The following GRIN2D variants were observed in gnomAD, a reference collection of about 807,000 sequenced individuals.
GRIN2D encodes glutamate receptor ionotropic, NMDA 2D.
GRIN2D carries 37 observed loss-of-function variants against 103.2 expected under a neutral mutation model. The ratio of observed to expected loss-of-function variants is 0.36; its 90% CI spans 0.28 to 0.47. GRIN2D has a LOEUF of 0.47. Among genes scored for constraint, GRIN2D ranks in the 20% least tolerant of loss-of-function variants. GRIN2D has a pLI of 1.00. For missense variants in GRIN2D, 1,557 were observed against 1,910.6 expected, an observed-to-expected ratio of 0.81 and a Z score of 3.45; for synonymous variants, 845 against 885.6, an observed-to-expected ratio of 0.95 and a Z score of 0.81.
intron 8 of GRIN2D, among the ~76,000 whole-genome samples, chr19:48,417,638 T>C (rs1158419465): frequency 6.6e-6 from 1 of 152,286 alleles, no homozygotes; most frequent in South Asian, 2.1e-4. Context: ...CAGGGCACAC[T>C]GAGAAGCACC....
At chr19:48,406,976 T>G (rs1970800396) in intron 4 of GRIN2D, among the ~76,000 whole-genome samples, 1 of 146,194 alleles carries the variant, frequency 6.8e-6, no homozygotes, top group South Asian at 2.2e-4. Context: ...TTCTTTCTTT[T>G]TCCTTTTTCT....
intron 2 of GRIN2D, among the ~76,000 whole-genome samples, chr19:48,395,238 C>A (rs1348497150): frequency 1.3e-5 from 2 of 151,824 alleles, no homozygotes; most frequent in African/African-American, 4.8e-5. Context: ...GCCTCCATCT[C>A]TCTATCTCAC....
At chr19:48,410,396 T>C (rs1214301063) in intron 4 of GRIN2D, among the ~76,000 whole-genome samples, 2 of 151,246 alleles carry the variant, frequency 1.3e-5, no homozygotes, top group Non-Finnish European at 1.5e-5. Flanking sequence ...GACATGGTGG[T>C]GCACGCCTGT....
chr19:48,406,484 G>C (rs964937099), intron 4 of GRIN2D, among the ~76,000 whole-genome samples: 8 of 152,178 alleles, frequency 5.3e-5, no homozygotes, highest in South Asian at 4.1e-4. Context: ...AATTTGGGAA[G>C]AGATGATGGT....
intron 3 of GRIN2D, among the ~76,000 whole-genome samples, chr19:48,400,235 G>A (rs1443003064): frequency 1.3e-5 from 2 of 152,142 alleles, no homozygotes; most frequent in Admixed American, 6.5e-5. Context: ...GGTCAGCTAG[G>A]AGGTGGGGCC....
chr19:48,402,674 G>A (rs1446448026), intron 3 of GRIN2D, among the ~76,000 whole-genome samples: 9 of 133,736 alleles, frequency 6.7e-5, no homozygotes, highest in East Asian at 2.3e-4. Context: ...CCGAGATTGC[G>A]CCACTGCGGT....
intron 4 of GRIN2D, among the ~76,000 whole-genome samples, chr19:48,408,523 T>C (rs1203327917): frequency 6.7e-6 from 1 of 150,100 alleles, no homozygotes; most frequent in Non-Finnish European, 1.5e-5. Context: ...AAATTAAAAT[T>C]TAAGAAATAG....
At position 48,415,002 on chromosome 19, in the gene GRIN2D, C is replaced by T. The variant is rs76779682; in HGVS notation, c.1551C>T (p.Ile517=). The part of the protein sequence containing the change: ...LVTNGKHGKK[I]DGVWNGMIGE... ...CCAATGGCAAGCACGGAAAGAAGAT[C>T]GATGGCGTCTGGAACGGCATGATCG... The change falls in exon 7 of 14, where the codon ATC becomes ATT. Residue 517 remains isoleucine, a synonymous_variant. Transcript: ENST00000263269. 15,306 of 1,603,792 alleles carry T rather than the reference C, an allele frequency of 9.5e-3. 87 individuals carry two copies. The highest frequency in any genetic ancestry group is 0.018 in the Middle Eastern group (107 of 6,014).
rs373912948 is a variant in GRIN2D, at chr19:48,436,792, T to C, written c.2253-4977T>C. Among the ~76,000 whole-genome samples the C allele has an allele frequency of 1.5e-3, 227 of 152,198 alleles. 5 individuals carry two copies. In the East Asian group the frequency reaches 0.038, roughly 25 times the overall value. On this transcript the variant is annotated intron_variant, in intron 11 of 13. Transcript: ENST00000263269. ...GGCAGAACAGCCAGTGCAAAGGCCCTGGGGCAGGAGCGAGCTGGAGAGGTC... is the reference window on the plus strand; with the variant it reads ...GGCAGAACAGCCAGTGCAAAGGCCCCGGGGCAGGAGCGAGCTGGAGAGGTC...
At chr19:48,433,765 G>T (rs1419742957) in intron 11 of GRIN2D, among the ~76,000 whole-genome samples, 1 of 152,022 alleles carries the variant, frequency 6.6e-6, no homozygotes, top group Non-Finnish European at 1.5e-5. Flanking sequence ...TTAAAATATG[G>T]ATGCATTCAC....
intron 7 of GRIN2D, 93 bp downstream of exon 7, chr19:48,415,125 C>A: frequency 8.4e-7 from 1 of 1,191,042 alleles, no homozygotes; most frequent in South Asian, 1.5e-5. Context: ...AATCCCAGCA[C>A]TTTGGGAAGC....
In GRIN2D at chr19:48,441,288, A is replaced by G. The variant is rs567038886; in HGVS notation, c.2253-481A>G. 1.0e-3 allele frequency among the ~76,000 whole-genome samples: 150 copies of G among 149,196 alleles called. 1 individual carries two copies. The highest frequency in any genetic ancestry group is 3.2e-3 in the African/African-American group (130 of 40,096). ...TGAGGCAGGAGAATCGCTTGAACCCAGGAGTCGGATCTTGCAGTGAGCCGA... is the reference window on the plus strand; with the variant it reads ...TGAGGCAGGAGAATCGCTTGAACCCGGGAGTCGGATCTTGCAGTGAGCCGA... On this transcript the variant is annotated intron_variant, in intron 11 of 13. Coordinates refer to ENST00000263269, the MANE Select transcript of GRIN2D (RefSeq NM_000836.4).
At position 48,443,059 on chromosome 19, in the gene GRIN2D, C is replaced by T. The variant is rs1569075044; in HGVS notation, c.3133C>T (p.Leu1045Phe). ...CGCGGCCACCGCCGTCGGGCCGCCA[C>T]TCTGCCGCTTGGCCTTCGAGGACGA... Reference protein sequence around the residue: ...AAAATAVGPPLCRLAFEDESP... With the variant: ...AAAATAVGPPFCRLAFEDESP... Residue 1045 changes from leucine to phenylalanine, a missense_variant, in exon 14 of 14, where the codon CTC becomes TTC. By Grantham distance (22) the Leu-to-Phe change is conservative. Around this residue, in one of 7 missense-constraint regions of GRIN2D, gnomAD observed 632 missense variants for 572.8 expected, o/e 1.10. Transcript: ENST00000263269. The surrounding 1 kb of genome is among the most constrained non-coding windows in gnomAD (Gnocchi z 8.9). 1.9e-6 allele frequency: 2 copies of T among 1,045,152 alleles called. No individual in the cohort carries two copies. The highest frequency in any genetic ancestry group is 2.3e-6 in the Non-Finnish European group (2 of 870,708). The allele number at this position is 1,045,152 out of a possible 1,614,324, so 64.7% of individuals were successfully genotyped here.
In GRIN2D at chr19:48,442,494, G is replaced by C. The variant is rs2147475731; in HGVS notation, c.2674-106G>C. 2.0e-6 allele frequency: 3 copies of C among 1,512,180 alleles called. No homozygotes were observed. The highest frequency in any genetic ancestry group is 3.7e-4 in the Middle Eastern group (2 of 5,434). 93.7% of individuals were successfully genotyped at this position (1,512,180 alleles called of 1,614,324 possible). On this transcript the variant is annotated intron_variant, in intron 13 of 13. Coordinates refer to ENST00000263269, the MANE Select transcript of GRIN2D (RefSeq NM_000836.4). This position sits in a 1 kb window ranked among gnomAD's most constrained non-coding sequence, Gnocchi z 7.2. ...CGAGATGTGGATAGTGGGGAAGAGA[G>C]CGGGAAACACAGGCGGGTAAATGGA...
Position 48,444,058 on chromosome 19 carries a change from C to T in GRIN2D, c.*121C>T, listed in dbSNP as rs1485388802. ...AAGCAGTGGAACTGGCCGGACCCCG[C>T]CTGGAGCAGCGTCCTGCGCCCCCTG... On this transcript the variant is annotated 3_prime_UTR_variant, in exon 14 of 14. Coordinates refer to ENST00000263269, the MANE Select transcript of GRIN2D (RefSeq NM_000836.4). This position sits in a 1 kb window ranked among gnomAD's most constrained non-coding sequence, Gnocchi z 5.5. 2 of 609,600 alleles carry T rather than the reference C, an allele frequency of 3.3e-6. No individual in the cohort carries two copies. The highest frequency in any genetic ancestry group is 3.9e-5 in the African/African-American group (2 of 51,688). The allele number at this position is 609,600 out of a possible 1,614,324, so 37.8% of individuals were successfully genotyped here. A position where few individuals can be genotyped will look rare whatever the true frequency, so the allele number is the denominator to read the frequency against.
chr19:48,405,640 A>T lies in GRIN2D; in HGVS notation c.1085+287A>T, dbSNP rs1478746030. Among the ~76,000 whole-genome samples, 1 of 152,244 alleles carries T rather than the reference A, an allele frequency of 6.6e-6. No individual in the cohort carries two copies. Among genetic ancestry groups the T allele is most frequent in the Admixed American group, 6.5e-5 (1 of 15,274 alleles). On this transcript the variant is annotated intron_variant, in intron 4 of 13. Transcript: ENST00000263269. This position sits in a 1 kb window ranked among gnomAD's most constrained non-coding sequence, Gnocchi z 5.1. ...AGATGTGTCTTATAATTGATGACTT[A>T]TCATGGCTTAATTGGCAGCACTTTT...
At chr19:48,419,456 G>A in intron 9 of GRIN2D, 97 bp downstream of exon 9, 2 of 1,472,318 alleles carry the variant, frequency 1.4e-6, no homozygotes, top group East Asian at 2.3e-5. Context: ...GGGCGGTCAA[G>A]CTAGGGCCTC....
In GRIN2D at chr19:48,442,100, G is replaced by C. The variant is rs747672490; in HGVS notation, c.2441-50G>C. 1.3e-6 allele frequency: 2 copies of C among 1,560,472 alleles called. No homozygotes were observed. Among genetic ancestry groups the C allele is most frequent in the African/African-American group, 1.3e-5 (1 of 74,096 alleles). On this transcript the variant is annotated intron_variant, in intron 12 of 13. Coordinates refer to ENST00000263269, the MANE Select transcript of GRIN2D (RefSeq NM_000836.4). The surrounding 1 kb of genome is among the most constrained non-coding windows in gnomAD (Gnocchi z 7.2). ...CCTACATTCCCACATCACAGACAAG[G>C]GTCCTCAGAGGGTACTCATAGCAGG...
intron 3 of GRIN2D, among the ~76,000 whole-genome samples, chr19:48,401,901 T>C (rs1386519592): frequency 2.0e-5 from 3 of 151,874 alleles, no homozygotes; most frequent in Non-Finnish European, 4.4e-5. Flanking sequence ...AGGAGTTTGA[T>C]ACCAGCCTGG....
Sources: gnomAD v4.1 joint callset for allele counts (sites outside exome capture counted in the v4.1 genomes callset) on GRCh38, gnomAD v4.1.1 for gene constraint, gnomAD v4.1.1 regional missense constraint, Gnocchi (gnomAD v3.1) non-coding constraint, MANE v1.5 for transcripts, NCBI Gene and HGNC (gene_info 2026-07-23, HGNC 2026-07-21) for gene names.